MSI2: variants seen among roughly 807,000 people sequenced by gnomAD.
MSI2 encodes the protein musashi RNA binding protein 2, also known as RNA-binding protein Musashi homolog 2.
Under a neutral mutation model 45.6 loss-of-function variants are expected in MSI2, and 17 were observed. That is an observed-to-expected ratio of 0.37 (90% CI 0.26 to 0.56). The LOEUF is 0.56. Ranked by LOEUF, MSI2 falls within the 20% of genes least tolerant of loss-of-function variation. MSI2 has a pLI of 0.77. For missense variants in MSI2, 293 were observed against 444.2 expected (o/e 0.66, Z 3.06); for synonymous variants, 156 against 158.2 (o/e 0.99, Z 0.11).
chr17:57,691,377 A>G, the MSI2 span, among the ~76,000 whole-genome samples: 1 of 152,082 alleles, frequency 6.6e-6, no homozygotes, highest in African/African-American at 2.4e-5. Context: ...TACATTTTGG[A>G]ATGAGCTTGT....
At position 57,610,580 on chromosome 17, in the gene MSI2, G is replaced by T. The variant is rs772795268; in HGVS notation, c.538-5390G>T. Among the ~76,000 whole-genome samples the T allele has an allele frequency of 7.3e-4, 70 of 95,508 alleles. 26 individuals are homozygous for T. The highest frequency in any genetic ancestry group is 2.1e-3 in the Admixed American group (20 of 9,602). 62.7% of individuals were successfully genotyped at this position (95,508 alleles called of 152,430 possible). On this transcript the variant is annotated intron_variant, in intron 8 of 13. Coordinates refer to ENST00000284073, the MANE Select transcript of MSI2 (RefSeq NM_138962.4). ...CTCCTTGCAACTTTTCTGTAAATTT[G>T]AAATGATTCCTGAGTAAGGAGTTAG... is the stretch of plus-strand genomic sequence containing the variant.
intron 5 of MSI2, among the ~76,000 whole-genome samples, chr17:57,332,818 G>A (rs1914378366): frequency 6.6e-6 from 1 of 152,202 alleles, no homozygotes; most frequent in Admixed American, 6.5e-5. Flanking sequence ...GAGGTCAAGA[G>A]ATCAAGACCA....
At chr17:57,508,085 C>G (rs2086276363) in intron 6 of MSI2, among the ~76,000 whole-genome samples, 1 of 152,168 alleles carries the variant, frequency 6.6e-6, no homozygotes, top group Admixed American at 6.5e-5. Context: ...AGGCATTGCC[C>G]TTTTAAAACT....
chr17:57,600,042 G>A (rs1350549804), intron 8 of MSI2, among the ~76,000 whole-genome samples: 1 of 152,218 alleles, frequency 6.6e-6, no homozygotes, highest in East Asian at 1.9e-4. Flanking sequence ...TGGTAGAGAA[G>A]CCTGCATCCT....
Position 57,495,390 on chromosome 17 carries a change from G to A in MSI2, c.406-34286G>A, listed in dbSNP as rs546163941. The stretch of plus-strand genomic sequence containing the variant: ...TCTACTAAAAATACAAAAATCAGCC[G>A]GGCATGGTGGTGCACGCCTGTAATC... On this transcript the variant is annotated intron_variant, in intron 6 of 13. Transcript: ENST00000284073. Among the ~76,000 whole-genome samples the A allele has an allele frequency of 2.9e-3, 437 of 151,858 alleles. 2 individuals carry two copies. Among genetic ancestry groups the A allele is most frequent in the Admixed American group, 5.3e-3 (81 of 15,252 alleles).
chr17:57,514,940 A>C (rs2143966028), intron 6 of MSI2, among the ~76,000 whole-genome samples: 1 of 152,286 alleles, frequency 6.6e-6, no homozygotes, highest in South Asian at 2.1e-4. Context: ...GGGCCAACTG[A>C]AATGTCAGGC....
At chr17:57,553,071 C>A (rs1015911527) in intron 7 of MSI2, among the ~76,000 whole-genome samples, 6 of 152,208 alleles carry the variant, frequency 3.9e-5, no homozygotes, top group African/African-American at 1.4e-4. Flanking sequence ...TGAGAGACGC[C>A]TGGCCTATTC....
intron 5 of MSI2, among the ~76,000 whole-genome samples, chr17:57,297,809 A>T (rs1330401404): frequency 6.6e-6 from 1 of 152,194 alleles, no homozygotes; most frequent in African/African-American, 2.4e-5. Context: ...CTTCACCAGG[A>T]GTAGATTCCG....
intron 5 of MSI2, among the ~76,000 whole-genome samples, chr17:57,328,603 G>A (rs1296200026): frequency 3.3e-5 from 5 of 152,160 alleles, no homozygotes; most frequent in African/African-American, 9.7e-5. Context: ...CACATCAACA[G>A]CAACATTTTC....
intron 9 of MSI2, among the ~76,000 whole-genome samples, chr17:57,621,934 A>G (rs1184094537): frequency 1.3e-5 from 2 of 152,242 alleles, no homozygotes; most frequent in Non-Finnish European, 1.5e-5. Flanking sequence ...AGGTCAGTGC[A>G]GTGGCTCATG....
intron 5 of MSI2, among the ~76,000 whole-genome samples, chr17:57,281,966 CA>C (rs1352853663): frequency 1.3e-5 from 2 of 152,212 alleles, no homozygotes; most frequent in African/African-American, 4.8e-5. Context: ...GCTTTATGTG[CA>C]GCGAGGTTGG....
At position 57,456,803 on chromosome 17, in the gene MSI2, T is replaced by G. The variant is rs143517633; in HGVS notation, c.405+55332T>G. Among the ~76,000 whole-genome samples the G allele has an allele frequency of 1.2e-4, 19 of 152,336 alleles. 1 individual carries two copies. The East Asian group carries it at 3.3e-3, about 26-fold the overall frequency. ...GACTGCATCATCTTGGAGTTTATTT[T>G]AGGCAGATGATTGCCTTCTAGGTCA... is the stretch of plus-strand genomic sequence containing the variant. On this transcript the variant is annotated intron_variant, in intron 6 of 13. Coordinates refer to ENST00000284073, the MANE Select transcript of MSI2 (RefSeq NM_138962.4).
intron 6 of MSI2, among the ~76,000 whole-genome samples, chr17:57,484,332 C>T (rs1174914428): frequency 1.3e-5 from 2 of 152,190 alleles, no homozygotes; most frequent in East Asian, 3.9e-4. Context: ...TTGGCTCCTT[C>T]GGGGGAAATG....
chr17:57,393,682 T>A (rs956332273), intron 5 of MSI2, among the ~76,000 whole-genome samples: 1 of 152,100 alleles, frequency 6.6e-6, no homozygotes. Context: ...GTTTATTTAT[T>A]TATTTATTTA....
intron 5 of MSI2, among the ~76,000 whole-genome samples, chr17:57,317,960 C>T (rs953486886): frequency 2.0e-5 from 3 of 152,034 alleles, no homozygotes; most frequent in African/African-American, 4.8e-5. Flanking sequence ...ACCAGCCTGG[C>T]CAACATGGTG....
chr17:57,417,407 C>T (rs2084315209), intron 6 of MSI2, among the ~76,000 whole-genome samples: 1 of 152,122 alleles, frequency 6.6e-6, no homozygotes, highest in Admixed American at 6.5e-5. Context: ...TTGTCATCAG[C>T]TGCAGAGCAA....
intron 5 of MSI2, among the ~76,000 whole-genome samples, chr17:57,396,413 CCA>C (rs55688182): frequency 1.3e-4 from 20 of 150,180 alleles, no homozygotes; most frequent in African/African-American, 1.7e-4. Flanking sequence ...AGCACACACA[CCA>C]CACACACACA....
intron 5 of MSI2, among the ~76,000 whole-genome samples, chr17:57,293,442 C>T (rs547059203): frequency 3.0e-4 from 45 of 152,272 alleles, no homozygotes; most frequent in Non-Finnish European, 4.4e-4. Context: ...CTTCCACCTC[C>T]GCCTCCTCCT....
intron 6 of MSI2, among the ~76,000 whole-genome samples, chr17:57,401,787 G>A (rs542542174): frequency 6.6e-6 from 1 of 152,252 alleles, no homozygotes; most frequent in South Asian, 2.1e-4. Context: ...GTGGGGCTGT[G>A]ACTCGCAGGG....
Sources: allele counts gnomAD v4.1 joint callset (sites outside exome capture counted in the v4.1 genomes callset), GRCh38; gene constraint gnomAD v4.1.1; transcripts MANE v1.5; gene names NCBI Gene and HGNC (gene_info 2026-07-23, HGNC 2026-07-21).